CHSY3: variants seen among roughly 807,000 people sequenced by gnomAD.
CHSY3 encodes the protein chondroitin sulfate synthase 3, also known as N-acetylgalactosaminyl-proteoglycan 3-beta-glucuronosyltransferase 3.
A neutral mutation model predicts 67.2 loss-of-function variants in CHSY3; 35 were observed. That is an observed-to-expected ratio of 0.52 (90% CI 0.40 to 0.69). The LOEUF is 0.69. CHSY3 is among the 30% of genes least tolerant of loss of function. The pLI is 0.00. For missense variants in CHSY3, 1,069 were observed against 1,138.5 expected (o/e 0.94, Z 0.88); for synonymous variants, 474 against 434.7 (o/e 1.09, Z -1.12).
intron 2 of CHSY3, among the ~76,000 whole-genome samples, chr5:130,097,731 C>T (rs527885597): frequency 2.8e-4 from 42 of 152,288 alleles, no homozygotes; most frequent in Middle Eastern, 3.4e-3. Flanking sequence ...AGGCAGGACG[C>T]GGTGGCTCAC....
At chr5:130,169,039 A>T (rs935168832) in intron 2 of CHSY3, among the ~76,000 whole-genome samples, 1 of 152,168 alleles carries the variant, frequency 6.6e-6, no homozygotes, top group Non-Finnish European at 1.5e-5. Context: ...GGAGGATGGA[A>T]TCAAGAAATG....
chr5:130,037,983 T>C (rs1051120034), intron 2 of CHSY3, among the ~76,000 whole-genome samples: 2 of 152,042 alleles, frequency 1.3e-5, no homozygotes, highest in African/African-American at 4.8e-5. Flanking sequence ...ATTAAAAAAT[T>C]GTGTGAGAGG....
At chr5:129,954,978 C>T (rs1762129102) in intron 2 of CHSY3, among the ~76,000 whole-genome samples, 2 of 152,102 alleles carry the variant, frequency 1.3e-5, no homozygotes, top group Non-Finnish European at 2.9e-5. Flanking sequence ...AAGTGATTCT[C>T]CTGCCTCAGC....
intron 2 of CHSY3, among the ~76,000 whole-genome samples, chr5:130,095,877 T>C (rs1767027084): frequency 6.6e-6 from 1 of 152,246 alleles, no homozygotes; most frequent in South Asian, 2.1e-4. Context: ...ATAGTCATAA[T>C]GAACCCCCGA....
At chr5:129,941,188 G>C (rs1761687064) in intron 2 of CHSY3, among the ~76,000 whole-genome samples, 1 of 152,112 alleles carries the variant, frequency 6.6e-6, no homozygotes, top group Admixed American at 6.6e-5. Context: ...GGGTGACAGA[G>C]AAAGATCCTG....
At chr5:129,975,829 G>A (rs4315958) in intron 2 of CHSY3, among the ~76,000 whole-genome samples, 77,855 of 151,678 alleles carry the variant, frequency 0.51, 20,651 homozygotes, top group Non-Finnish European at 0.59. Flanking sequence ...GGACAAGTCA[G>A]TCCTCTTAAG....
intron 2 of CHSY3, among the ~76,000 whole-genome samples, chr5:129,956,699 G>A (rs1220651660): frequency 6.6e-6 from 1 of 151,908 alleles, no homozygotes; most frequent in African/African-American, 2.4e-5. Flanking sequence ...AGTTATCCCA[G>A]CACCATTTAT....
At chr5:130,017,784 A>G (rs935224271) in intron 2 of CHSY3, among the ~76,000 whole-genome samples, 2 of 152,074 alleles carry the variant, frequency 1.3e-5, no homozygotes, top group Non-Finnish European at 2.9e-5. Flanking sequence ...GCTTTTAAAA[A>G]CATTTAACTA....
At chr5:130,160,203 C>G (rs1248816774) in intron 2 of CHSY3, among the ~76,000 whole-genome samples, 2 of 152,070 alleles carry the variant, frequency 1.3e-5, no homozygotes, top group South Asian at 4.2e-4. Flanking sequence ...ACAGATTTAC[C>G]CATTTCAACC....
chr5:129,960,075 C>A (rs1762287171), intron 2 of CHSY3, among the ~76,000 whole-genome samples: 1 of 152,052 alleles, frequency 6.6e-6, no homozygotes, highest in Non-Finnish European at 1.5e-5. Flanking sequence ...TGGGACCCCA[C>A]CAGTAGAATT....
intron 2 of CHSY3, among the ~76,000 whole-genome samples, chr5:129,948,897 C>T (rs1343245767): frequency 1.3e-5 from 2 of 152,080 alleles, no homozygotes; most frequent in African/African-American, 4.8e-5. Context: ...GTTGAATCAA[C>T]TGGTAAATCT....
At chr5:130,018,738 C>T (rs974238003) in intron 2 of CHSY3, among the ~76,000 whole-genome samples, 4 of 152,062 alleles carry the variant, frequency 2.6e-5, no homozygotes, top group African/African-American at 9.7e-5. Flanking sequence ...GAAATTTGAT[C>T]CCTAGTGTGG....
chr5:129,953,691 A>G (rs1762090337), intron 2 of CHSY3, among the ~76,000 whole-genome samples: 1 of 152,160 alleles, frequency 6.6e-6, no homozygotes, highest in Non-Finnish European at 1.5e-5. Context: ...ATGAGATGGT[A>G]CCTCATTGTG....
intron 2 of CHSY3, among the ~76,000 whole-genome samples, chr5:130,024,052 C>A (rs1451619877): frequency 1.4e-5 from 2 of 147,194 alleles, no homozygotes; most frequent in African/African-American, 5.1e-5. Context: ...AATATGCAAT[C>A]AATGTAGACA....
chr5:130,165,399 A>G (rs1159625660), intron 2 of CHSY3, among the ~76,000 whole-genome samples: 1 of 152,194 alleles, frequency 6.6e-6, no homozygotes, highest in African/African-American at 2.4e-5. Flanking sequence ...AACTCTTGAC[A>G]TGACATCATT....
At chr5:129,952,209 T>C (rs192229080) in intron 2 of CHSY3, among the ~76,000 whole-genome samples, 1 of 152,276 alleles carries the variant, frequency 6.6e-6, no homozygotes, top group Non-Finnish European at 1.5e-5. Context: ...CCTGTAGCTC[T>C]TAGAGCAATA....
intron 2 of CHSY3, among the ~76,000 whole-genome samples, chr5:130,010,492 G>A (rs151305195): frequency 2.6e-5 from 4 of 152,248 alleles, no homozygotes; most frequent in Non-Finnish European, 5.9e-5. Context: ...AGTGTTAAGA[G>A]GAAAGGTGAT....
chr5:130,101,272 A>G (rs1767234596), intron 2 of CHSY3, among the ~76,000 whole-genome samples: 1 of 152,194 alleles, frequency 6.6e-6, no homozygotes, highest in Non-Finnish European at 1.5e-5. Flanking sequence ...TAATGATCAA[A>G]TAAATGCTGT....
At chr5:130,151,888 C>A (rs964813477) in intron 2 of CHSY3, among the ~76,000 whole-genome samples, 2 of 152,142 alleles carry the variant, frequency 1.3e-5, no homozygotes, top group East Asian at 1.9e-4. Context: ...TAGCTGTGAA[C>A]AAAACAGGCA....
Sources: allele counts gnomAD v4.1 joint callset (sites outside exome capture counted in the v4.1 genomes callset), GRCh38; gene constraint gnomAD v4.1.1; transcripts MANE v1.5; gene names NCBI Gene and HGNC (gene_info 2026-07-23, HGNC 2026-07-21).